Variants in MASP1 observed in about 807,000 individuals in gnomAD.
The protein encoded by MASP1 is mannan-binding lectin serine protease 1.
MASP1 carries 59 observed loss-of-function variants against 77.1 expected under a neutral mutation model. The ratio of observed to expected loss-of-function variants is 0.77; its 90% CI spans 0.62 to 0.95. The LOEUF (loss-of-function observed/expected upper bound fraction) is 0.95. Ranked by LOEUF, MASP1 falls within the 40% of genes least tolerant of loss-of-function variation. MASP1 has a pLI of 0.00. For missense variants in MASP1, 885 were observed against 912.9 expected, an observed-to-expected ratio of 0.97 and a Z score of 0.39; for synonymous variants, 362 against 354.5, an observed-to-expected ratio of 1.02 and a Z score of -0.24.
intron 10 of MASP1, 28 bp downstream of exon 10, chr3:187,241,453 G>T (rs1040743721): frequency 1.1e-5 from 17 of 1,599,794 alleles, no homozygotes; most frequent in Non-Finnish European, 1.4e-5. Flanking sequence ...GGAAAACTGT[G>T]AGGCAAAGGA....
chr3:187,251,535 A>T, intron 7 of MASP1, 99 bp downstream of exon 7: 2 of 947,694 alleles, frequency 2.1e-6, no homozygotes, highest in Non-Finnish European at 3.5e-6. Flanking sequence ...CTGTGCTGGA[A>T]CTATGACAAG....
At chr3:187,228,157 T>A (rs1414835568) in intron 11 of MASP1, among the ~76,000 whole-genome samples, 1 of 151,852 alleles carries the variant, frequency 6.6e-6, no homozygotes, top group Non-Finnish European at 1.5e-5. Context: ...GACTCAAAAA[T>A]TCAAGGTTTG....
intron 2 of MASP1, among the ~76,000 whole-genome samples, chr3:187,271,186 T>C (rs1716490309): frequency 6.6e-6 from 1 of 152,188 alleles, no homozygotes; most frequent in Admixed American, 6.5e-5. Flanking sequence ...TTAGCAAATA[T>C]CATACCACCT....
At chr3:187,229,918 G>C (rs927607965), downstream of MASP1, 1 of 1,613,940 alleles carries the variant, frequency 6.2e-7, no homozygotes, top group Admixed American at 1.7e-5. Flanking sequence ...GGGAGGGAGG[G>C]AGAGACAGAT....
downstream of MASP1, among the ~76,000 whole-genome samples, chr3:187,232,399 T>C (rs1712822088): frequency 6.6e-6 from 1 of 152,184 alleles, no homozygotes; most frequent in Non-Finnish European, 1.5e-5. Context: ...ATCAGTGTCT[T>C]TAAATCTGCC....
chr3:187,220,938 C>T, intron 15 of MASP1: 1 of 981,544 alleles, frequency 1.0e-6, no homozygotes, highest in Non-Finnish European at 1.6e-6. Context: ...CCCACACTGC[C>T]AGCCCACCAG....
intron 2 of MASP1, among the ~76,000 whole-genome samples, chr3:187,269,372 G>A (rs1716330975): frequency 6.6e-6 from 1 of 152,160 alleles, no homozygotes; most frequent in African/African-American, 2.4e-5. Context: ...ATATCCGCTT[G>A]GACTAGAAAT....
At chr3:187,269,868 A>G (rs951360686) in intron 2 of MASP1, among the ~76,000 whole-genome samples, 2 of 152,190 alleles carry the variant, frequency 1.3e-5, no homozygotes, top group Admixed American at 6.5e-5. Flanking sequence ...ATACTTCAAG[A>G]GCTATACCTT....
At position 187,285,874 on chromosome 3, in the gene MASP1, A is replaced by G. The variant is rs2108611086; in HGVS notation, c.188T>C (p.Met63Thr). Residue 63 changes from methionine (M) to threonine (T), a missense_variant, in exon 2 of 11, where the codon ATG becomes ACG. Coordinates refer to ENST00000296280, the MANE Select transcript of MASP1 (RefSeq NM_139125.4). ...PDGFRIKLYF[M>T]HFNLESSYLC... is the part of the protein sequence containing the mutation. ...GTAGGAGGATTCCAAGTTGAAGTGC[A>G]TGAAGTAAAGCTTGATCCGAAACCC... 1.9e-6 allele frequency: 3 copies of G among 1,614,234 alleles called. No homozygotes were observed. Among genetic ancestry groups the G allele is most frequent in the Non-Finnish European group, 1.7e-6 (2 of 1,180,040 alleles).
intron 2 of MASP1, among the ~76,000 whole-genome samples, chr3:187,265,225 C>T (rs1420452416): frequency 3.5e-4 from 53 of 152,158 alleles, no homozygotes; most frequent in Non-Finnish European, 5.9e-5. Context: ...ATGCCTTGGG[C>T]ATTAATAGTT....
In MASP1 at chr3:187,291,423, A is replaced by G. The variant is rs1718322649; in HGVS notation, c.5+205T>C. 3 of 649,756 alleles carry G rather than the reference A, an allele frequency of 4.6e-6. No individual in the cohort carries two copies. The South Asian group carries it at 5.5e-5, about 12-fold the overall frequency. The allele number at this position is 649,756 out of a possible 1,614,324, so 40.2% of individuals were successfully genotyped here. On this transcript the variant is annotated intron_variant, in intron 1 of 10. Transcript: ENST00000296280. ...GGATTTGCACGAAGTCTCCCGTTTCAAGTTTTATGTCTCCTGGAGTCCTGG... is the reference window on the plus strand; with the variant it reads ...GGATTTGCACGAAGTCTCCCGTTTCGAGTTTTATGTCTCCTGGAGTCCTGG...
chr3:187,241,983 A>C (rs1579494223), intron 9 of MASP1: 2 of 184,990 alleles, frequency 1.1e-5, no homozygotes, highest in South Asian at 1.2e-4. Context: ...GGGGAATCCC[A>C]CTCCTGCCTG....
At chr3:187,234,034 A>G, downstream of MASP1, 1 of 1,176,168 alleles carries the variant, frequency 8.5e-7, no homozygotes, top group Non-Finnish European at 1.1e-6. Flanking sequence ...AAAAGTTAAA[A>G]CAAATGAACA....
At chr3:187,274,244 A>G (rs927645429) in intron 2 of MASP1, among the ~76,000 whole-genome samples, 4 of 152,094 alleles carry the variant, frequency 2.6e-5, no homozygotes, top group Non-Finnish European at 1.5e-5. Flanking sequence ...TGATGATAAT[A>G]ATTCCTTGTT....
In MASP1 at chr3:187,225,330, G is replaced by A. The variant is rs527684453; in HGVS notation, c.1735C>T (p.Gln579Ter). ...TGGAGGTAGGGGAAAGTACCTTCCT[G>A]CTGGGGTCCCTCAGGCAGACAGATG... The change falls in exon 13 of 16, where the codon CAG becomes TAG. Residue 579 changes from glutamine to a stop codon, truncating the protein, a stop_gained. Transcript: ENST00000337774. LOFTEE classifies it high-confidence loss of function. 5.0e-6 allele frequency: 8 copies of A among 1,612,996 alleles called. No individual in the cohort carries two copies. In the African/African-American group the frequency reaches 9.3e-5, roughly 19 times the overall value.
chr3:187,244,206 A>C (rs1392838601), intron 8 of MASP1: 2 of 161,300 alleles, frequency 1.2e-5, no homozygotes, highest in East Asian at 1.7e-4. Flanking sequence ...GCCAGGAGGC[A>C]GGGTTGGAGG....
At position 187,235,086 on chromosome 3, in the gene MASP1, C is replaced by G; in HGVS notation, c.*598G>C. 2 of 1,287,278 alleles carry G rather than the reference C, an allele frequency of 1.6e-6. No homozygotes were observed. Among genetic ancestry groups the G allele is most frequent in the South Asian group, 2.5e-5 (2 of 80,926 alleles). 79.7% of individuals were successfully genotyped at this position (1,287,278 alleles called of 1,614,324 possible). On this transcript the variant is annotated 3_prime_UTR_variant, in exon 11 of 11. Coordinates refer to ENST00000296280, the MANE Select transcript of MASP1 (RefSeq NM_139125.4). ...GGGATAAGGCTTAGACTGCAAGAAG[C>G]TTTTGGGAGAGAAACCCCAGGCATG... is the stretch of plus-strand genomic sequence containing the variant.
At chr3:187,267,717 G>T (rs186282106) in intron 2 of MASP1, among the ~76,000 whole-genome samples, 22 of 152,320 alleles carry the variant, frequency 1.4e-4, no homozygotes, top group Admixed American at 1.1e-3. Context: ...CAGCTTCTCA[G>T]AGACCCTTTT....
At position 187,243,810 on chromosome 3, in the gene MASP1, C is replaced by G. The variant is rs901776938; in HGVS notation, c.1091-189G>C. 3 of 680,990 alleles carry G rather than the reference C, an allele frequency of 4.4e-6. No individual in the cohort carries two copies. The African/African-American group carries it at 5.3e-5, about 12-fold the overall frequency. The allele number at this position is 680,990 out of a possible 1,614,324, so 42.2% of individuals were successfully genotyped here. On this transcript the variant is annotated intron_variant, in intron 8 of 10. Coordinates refer to ENST00000296280, the MANE Select transcript of MASP1 (RefSeq NM_139125.4). Reference sequence around the variant, plus strand: ...GCCTGTGAAGCTACCCATGGTCCTGCTTTTGAGGTCTCTTCCATTCATTAT... The same window carrying G: ...GCCTGTGAAGCTACCCATGGTCCTGGTTTTGAGGTCTCTTCCATTCATTAT...
Sources: allele counts gnomAD v4.1 joint callset (sites outside exome capture counted in the v4.1 genomes callset), GRCh38; gene constraint gnomAD v4.1.1; transcripts MANE v1.5; gene names NCBI Gene and HGNC (gene_info 2026-07-23, HGNC 2026-07-21).